Variants in SYT16 observed in about 807,000 individuals in gnomAD.
SYT16 encodes synaptotagmin-16.
Under a neutral mutation model 61.4 loss-of-function variants are expected in SYT16, and 42 were observed. The ratio of observed to expected loss-of-function variants is 0.68; its 90% confidence interval spans 0.53 to 0.89. The LOEUF (loss-of-function observed/expected upper bound fraction) is 0.89. Ranked by LOEUF, SYT16 falls within the 40% of genes least tolerant of loss-of-function variation. The pLI, the probability that SYT16 is intolerant of heterozygous loss-of-function variation, is 0.00. For synonymous variants in SYT16, 314 were observed against 302.3 expected, an observed-to-expected ratio of 1.04 and a Z score of -0.40; for missense variants, 804 against 807.3, an observed-to-expected ratio of 1.00 and a Z score of 0.05.
At chr14:61,922,875 C>G (rs1408568948) in intron 1 of SYT16, among the ~76,000 whole-genome samples, 1 of 152,110 alleles carries the variant, frequency 6.6e-6, no homozygotes, top group Non-Finnish European at 1.5e-5. Context: ...TGGTGAAACC[C>G]TGTCTCCACT....
At chr14:62,051,072 G>A (rs920566022) in intron 3 of SYT16, among the ~76,000 whole-genome samples, 5 of 152,234 alleles carry the variant, frequency 3.3e-5, no homozygotes, top group African/African-American at 1.2e-4. Flanking sequence ...CCCAGAGGTG[G>A]AGCCTACAGA....
intron 3 of SYT16, among the ~76,000 whole-genome samples, chr14:62,039,908 C>T (rs1046424096): frequency 1.3e-5 from 2 of 151,342 alleles, no homozygotes; most frequent in African/African-American, 4.9e-5. Context: ...TACTGACTCA[C>T]ATTAGTGAAA....
chr14:61,929,115 C>T (rs750595778), intron 1 of SYT16, among the ~76,000 whole-genome samples: 8 of 152,086 alleles, frequency 5.3e-5, no homozygotes, highest in Admixed American at 2.0e-4. Context: ...AAGAGTGATC[C>T]GGGGATTACT....
chr14:61,925,032 T>C (rs888731222), intron 1 of SYT16, among the ~76,000 whole-genome samples: 6 of 152,226 alleles, frequency 3.9e-5, no homozygotes, highest in Admixed American at 1.3e-4. Flanking sequence ...TCCTTAGTTA[T>C]ATGGTTTCAT....
chr14:62,076,445 A>G (rs1595359450), intron 5 of SYT16, among the ~76,000 whole-genome samples: 2 of 67,958 alleles, frequency 2.9e-5, no homozygotes, highest in African/African-American at 1.8e-4. Context: ...GCTCAAGGTA[A>G]AAAAAAAAAA....
At chr14:62,020,652 C>A (rs551235809) in intron 3 of SYT16, among the ~76,000 whole-genome samples, 2 of 152,356 alleles carry the variant, frequency 1.3e-5, no homozygotes, top group East Asian at 3.9e-4. Context: ...TGGGCTCTTT[C>A]CACCTGGTTC....
At chr14:61,838,635 A>G (rs1182145407) in intron 1 of SYT16, among the ~76,000 whole-genome samples, 1 of 152,216 alleles carries the variant, frequency 6.6e-6, no homozygotes, top group Non-Finnish European at 1.5e-5. Context: ...TTTCTTTCAC[A>G]AAGCCCTGTC....
At chr14:62,056,660 T>G (rs1176910021) in intron 3 of SYT16, among the ~76,000 whole-genome samples, 1 of 152,188 alleles carries the variant, frequency 6.6e-6, no homozygotes, top group Non-Finnish European at 1.5e-5. Flanking sequence ...GGTTTCTCTC[T>G]GCCCCAGGGG....
chr14:62,094,460 C>G (rs563256719), intron 7 of SYT16, among the ~76,000 whole-genome samples: 1 of 152,028 alleles, frequency 6.6e-6, no homozygotes, highest in South Asian at 2.1e-4. Flanking sequence ...GCAACAAACT[C>G]ATTAGGCACA....
At chr14:62,032,127 T>C (rs1595206671) in intron 3 of SYT16, among the ~76,000 whole-genome samples, 1 of 151,982 alleles carries the variant, frequency 6.6e-6, no homozygotes, top group Non-Finnish European at 1.5e-5. Flanking sequence ...ACCCAGTAAG[T>C]TGAGTGAAAA....
In SYT16 at chr14:61,864,926, G is replaced by A. The variant is rs975086711; in HGVS notation, c.-325+52116G>A. On this transcript the variant is annotated intron_variant, in intron 1 of 7. Transcript: ENST00000683842. The stretch of plus-strand genomic sequence containing the variant: ...CGGGATGCTCCGTGTCTTAACCGGG[G>A]TCCTGGGCTGCCTGCAGGCCTTGAA... 5 of 1,287,762 alleles carry A rather than the reference G, an allele frequency of 3.9e-6. No homozygotes were observed. In the African/African-American group the frequency reaches 7.3e-5, roughly 19 times the overall value. 79.8% of individuals were successfully genotyped at this position (1,287,762 alleles called of 1,614,324 possible). A position where few individuals can be genotyped will look rare whatever the true frequency, so the allele number is the denominator to read the frequency against.
At chr14:61,885,639 CAGGCTTACTTTGG>C (rs2047870617) in intron 1 of SYT16, among the ~76,000 whole-genome samples, 1 of 152,154 alleles carries the variant, frequency 6.6e-6, no homozygotes, top group East Asian at 1.9e-4. Flanking sequence ...TTTCTATTTA[CAGGCTTACTTTGG>C]AGATATTGCA....
chr14:62,042,818 C>T, intron 3 of SYT16, among the ~76,000 whole-genome samples: 1 of 152,172 alleles, frequency 6.6e-6, no homozygotes, highest in Non-Finnish European at 1.5e-5. Flanking sequence ...CCACCCCAGC[C>T]TTGTCTTGAG....
chr14:61,870,872 C>T (rs187715403), intron 1 of SYT16, among the ~76,000 whole-genome samples: 2 of 152,244 alleles, frequency 1.3e-5, no homozygotes, highest in East Asian at 3.9e-4. Context: ...ACTACCTTGC[C>T]TAATAATTCT....
intron 2 of SYT16, among the ~76,000 whole-genome samples, chr14:61,973,192 G>T (rs569587322): frequency 1.3e-5 from 2 of 152,218 alleles, no homozygotes; most frequent in East Asian, 3.9e-4. Flanking sequence ...AAAATGATTT[G>T]CTTGACAAAA....
chr14:62,075,294 A>T lies in SYT16; in HGVS notation c.896A>T (p.Gln299Leu). 12 of 1,613,918 alleles carry T rather than the reference A, an allele frequency of 7.4e-6. No individual in the cohort carries two copies. Among genetic ancestry groups the T allele is most frequent in the Non-Finnish European group, 9.3e-6 (11 of 1,179,858 alleles). ...AGTGTGGTCCAAAGCCTCAGGCGCC[A>T]ATCCACAGAGGGCAGCTTGGAGATG... ...ESSVVQSLRR[Q>L]STEGSLEMET... is the part of the protein sequence containing the mutation. The change falls in exon 5 of 8, where the codon CAA (glutamine) becomes CTA (leucine). Residue 299 changes from glutamine (Q) to leucine (L), a missense_variant. By Grantham distance (113) the Gln-to-Leu change is moderately radical (BLOSUM62 -2). Coordinates refer to ENST00000683842, the MANE Select transcript of SYT16 (RefSeq NM_001367656.1).
chr14:62,063,657 C>G (rs1197633902), intron 3 of SYT16, among the ~76,000 whole-genome samples: 2 of 152,126 alleles, frequency 1.3e-5, no homozygotes, highest in Admixed American at 6.5e-5. Flanking sequence ...ACCATCCCGT[C>G]TCTTTGGAAG....
At chr14:62,076,698 C>T (rs1294738921) in intron 5 of SYT16, among the ~76,000 whole-genome samples, 2 of 152,128 alleles carry the variant, frequency 1.3e-5, no homozygotes, top group Non-Finnish European at 2.9e-5. Context: ...TCTGCTTACC[C>T]GTTAGTTTAC....
intron 7 of SYT16, among the ~76,000 whole-genome samples, chr14:62,094,435 A>G (rs1224058974): frequency 6.6e-6 from 1 of 151,832 alleles, no homozygotes; most frequent in Non-Finnish European, 1.5e-5. Flanking sequence ...CCATTTTTCA[A>G]TTTCTTTTTT....
Sources: allele counts gnomAD v4.1 joint callset (sites outside exome capture counted in the v4.1 genomes callset), GRCh38; gene constraint gnomAD v4.1.1; transcripts MANE v1.5; gene names NCBI Gene and HGNC (gene_info 2026-07-23, HGNC 2026-07-21).